KCNH5: variants seen among roughly 807,000 people sequenced by gnomAD.
The protein encoded by KCNH5 is potassium voltage-gated channel subfamily H member 5.
In KCNH5, 46 loss-of-function variants were observed where a neutral mutation model predicts 96.1. The ratio of observed to expected loss-of-function variants is 0.48; its 90% CI spans 0.38 to 0.61. The LOEUF (loss-of-function observed/expected upper bound fraction) is 0.61. KCNH5 is among the 20% of genes least tolerant of loss of function. The pLI is 0.00. For missense variants in KCNH5, 907 were observed against 1,225.8 expected (o/e 0.74, Z 3.88); for synonymous variants, 439 against 449.8 (o/e 0.98, Z 0.30).
At chr14:63,042,765 G>A (rs150466669) in intron 1 of KCNH5, among the ~76,000 whole-genome samples, 55 of 152,200 alleles carry the variant, frequency 3.6e-4, no homozygotes, top group Middle Eastern at 3.4e-3. Flanking sequence ...ATATTCCCCC[G>A]TGAATGTGTA....
chr14:62,709,125 C>T (rs868517432), intron 10 of KCNH5, among the ~76,000 whole-genome samples: 21 of 145,950 alleles, frequency 1.4e-4, no homozygotes, highest in South Asian at 4.6e-4. Context: ...CCCAGCTACT[C>T]GGGAGGCTGA....
At chr14:63,003,553 T>C (rs374532669) in intron 3 of KCNH5, among the ~76,000 whole-genome samples, 1 of 117,430 alleles carries the variant, frequency 8.5e-6, no homozygotes, top group African/African-American at 3.2e-5. Flanking sequence ...ATATATAGTA[T>C]ATATTATATA....
chr14:62,746,070 G>C (rs1885369305), intron 10 of KCNH5, among the ~76,000 whole-genome samples: 1 of 152,156 alleles, frequency 6.6e-6, no homozygotes, highest in South Asian at 2.1e-4. Flanking sequence ...TAGGAAGTGG[G>C]AGAAAAGAAG....
At chr14:62,861,613 A>G (rs1440219908) in intron 7 of KCNH5, among the ~76,000 whole-genome samples, 1 of 149,502 alleles carries the variant, frequency 6.7e-6, no homozygotes, top group Non-Finnish European at 1.5e-5. Context: ...AGGAAAAGGC[A>G]CATTTCCCCC....
intron 10 of KCNH5, among the ~76,000 whole-genome samples, chr14:62,733,896 G>A (rs184912233): frequency 1.4e-4 from 22 of 152,074 alleles, no homozygotes; most frequent in Non-Finnish European, 2.2e-4. Context: ...TTAACATTAC[G>A]TTCTTTTCCC....
chr14:62,804,406 C>A (rs1448028821), intron 8 of KCNH5, among the ~76,000 whole-genome samples: 3 of 152,164 alleles, frequency 2.0e-5, no homozygotes, highest in Non-Finnish European at 4.4e-5. Flanking sequence ...ATTCTATAGG[C>A]ACTTACTGAG....
chr14:63,021,730 C>T (rs995391371), intron 1 of KCNH5, among the ~76,000 whole-genome samples: 12 of 152,060 alleles, frequency 7.9e-5, no homozygotes, highest in Non-Finnish European at 1.3e-4. Context: ...CTCTCCCTAT[C>T]GCCAAGCCCA....
rs1349974529 is a variant in KCNH5, at chr14:62,727,937, C to T, written c.2020-19482G>A. Among the ~76,000 whole-genome samples, 3 of 150,356 alleles carry T rather than the reference C, an allele frequency of 2.0e-5. No homozygotes were observed. In the East Asian group the frequency reaches 5.8e-4, roughly 29 times the overall value. ...AGCTTGACCATGATTTTCCATTCTC[C>T]TTGCAAAATGCACTGACTGATATGC... On this transcript the variant is annotated intron_variant, in intron 10 of 10. Coordinates refer to ENST00000322893, the MANE Select transcript of KCNH5 (RefSeq NM_139318.5).
At chr14:62,866,006 A>T (rs1409225419) in intron 7 of KCNH5, among the ~76,000 whole-genome samples, 2 of 152,316 alleles carry the variant, frequency 1.3e-5, no homozygotes, top group South Asian at 4.1e-4. Context: ...AACTAGAACA[A>T]ATCCATGTGA....
At chr14:62,826,171 G>A (rs1887219871) in intron 8 of KCNH5, among the ~76,000 whole-genome samples, 1 of 151,918 alleles carries the variant, frequency 6.6e-6, no homozygotes, top group African/African-American at 2.4e-5. Context: ...TATTATTTTT[G>A]TGCTATTTAA....
intron 10 of KCNH5, among the ~76,000 whole-genome samples, chr14:62,743,696 C>T (rs902542541): frequency 6.6e-6 from 1 of 152,074 alleles, no homozygotes; most frequent in African/African-American, 2.4e-5. Context: ...CAGCTGAGGC[C>T]AGCAAGGTCC....
chr14:62,779,340 G>A (rs1160231752), intron 10 of KCNH5, among the ~76,000 whole-genome samples: 1 of 152,188 alleles, frequency 6.6e-6, no homozygotes, highest in Non-Finnish European at 1.5e-5. Context: ...AGCTGAGAAT[G>A]TAAAACAGGC....
At chr14:62,781,934 A>G (rs1229895530) in intron 9 of KCNH5, among the ~76,000 whole-genome samples, 1 of 152,224 alleles carries the variant, frequency 6.6e-6, no homozygotes, top group Non-Finnish European at 1.5e-5. Context: ...TGTCCATGAA[A>G]TCTTTACAAC....
At chr14:62,815,651 A>G (rs988399075) in intron 8 of KCNH5, among the ~76,000 whole-genome samples, 3 of 152,062 alleles carry the variant, frequency 2.0e-5, no homozygotes, top group Non-Finnish European at 4.4e-5. Flanking sequence ...CAATGGTGAA[A>G]AAAAGTTTAC....
At chr14:62,828,055 G>A (rs886256432) in intron 8 of KCNH5, among the ~76,000 whole-genome samples, 2 of 151,930 alleles carry the variant, frequency 1.3e-5, no homozygotes, top group Admixed American at 6.6e-5. Flanking sequence ...TATAAATGAA[G>A]TCAGTCTTCA....
At chr14:62,804,048 C>G (rs1276788142) in intron 8 of KCNH5, among the ~76,000 whole-genome samples, 1 of 152,174 alleles carries the variant, frequency 6.6e-6, no homozygotes, top group African/African-American at 2.4e-5. Flanking sequence ...TTGGGGGTCA[C>G]TATCAATGAA....
At position 62,707,688 on chromosome 14, in the gene KCNH5, A is replaced by G. The variant is rs755998656; in HGVS notation, c.2787T>C (p.Thr929=). ...EDIQLLSCRM[T]ALEKQVAEIL... The stretch of plus-strand genomic sequence containing the variant: ...TTTCTGCCACCTGCTTTTCTAGGGC[A>G]GTCATTCTGCAGCTGAGCAGCTGGA... The change falls in exon 11 of 11, where the codon ACT becomes ACC. Residue 929 remains threonine (T), a synonymous_variant. Coordinates refer to ENST00000322893, the MANE Select transcript of KCNH5 (RefSeq NM_139318.5). 6.3e-7 allele frequency: 1 copy of G among 1,595,912 alleles called. No homozygotes were observed. The highest frequency in any genetic ancestry group is 1.3e-5 in the African/African-American group (1 of 74,462).
intron 8 of KCNH5, among the ~76,000 whole-genome samples, chr14:62,804,219 T>A (rs1162649012): frequency 6.6e-6 from 1 of 152,158 alleles, no homozygotes; most frequent in Non-Finnish European, 1.5e-5. Flanking sequence ...TCCCTCAAAT[T>A]TCTATAGGCA....
intron 10 of KCNH5, among the ~76,000 whole-genome samples, chr14:62,748,192 T>C (rs1885419867): frequency 6.6e-6 from 1 of 152,116 alleles, no homozygotes; most frequent in African/African-American, 2.4e-5. Flanking sequence ...GAGTAGGACG[T>C]TCCTGAAAGT....
Sources: gnomAD v4.1 joint callset for allele counts (sites outside exome capture counted in the v4.1 genomes callset) on GRCh38, gnomAD v4.1.1 for gene constraint, MANE v1.5 for transcripts, NCBI Gene and HGNC (gene_info 2026-07-23, HGNC 2026-07-21) for gene names.